NCOR1: variants seen among roughly 807,000 people sequenced by gnomAD.
NCOR1 encodes the protein protein phosphatase 1, regulatory subunit 109.
A neutral mutation model predicts 288.1 loss-of-function variants in NCOR1; 63 were observed. The observed-to-expected ratio is 0.22, with a 90% CI of 0.18 to 0.27. The LOEUF is 0.27. Among genes scored for constraint, NCOR1 ranks in the 10% least tolerant of loss-of-function variants. NCOR1 has a pLI of 1.00. For synonymous variants in NCOR1, 1,007 were observed against 1,065.9 expected (o/e 0.94, Z 1.08); for missense variants, 2,397 against 3,019.2 (o/e 0.79, Z 4.83).
intron 31 of NCOR1, 59 bp downstream of exon 31, chr17:16,070,106 T>G (rs951710452): frequency 2.1e-6 from 3 of 1,433,090 alleles, no homozygotes; most frequent in South Asian, 1.5e-5. Context: ...GACAAAGGTT[T>G]TTTTTTTTTT....
intron 26 of NCOR1, among the ~76,000 whole-genome samples, chr17:16,077,424 G>GA (rs2062632016): frequency 7.2e-6 from 1 of 139,794 alleles, no homozygotes; most frequent in African/African-American, 2.7e-5. Flanking sequence ...AAGCAAAAAG[G>GA]AAGGAAAGGA....
intron 14 of NCOR1, among the ~76,000 whole-genome samples, chr17:16,137,003 T>G (rs901079939): frequency 1.3e-5 from 2 of 152,070 alleles, no homozygotes; most frequent in Non-Finnish European, 2.9e-5. Context: ...GTATTAAAAG[T>G]ATTAATGGCT....
In NCOR1 at chr17:16,031,610, AAAATT is replaced by A. The variant is rs1184426709; in HGVS notation, c.*681_*685del. The A allele has an allele frequency of 4.4e-6, 1 of 224,878 alleles. No homozygotes were observed. The highest frequency in any genetic ancestry group is 5.7e-5 in the Admixed American group (1 of 17,528). 13.9% of individuals were successfully genotyped at this position (224,878 alleles called of 1,614,324 possible). ...TTTTCAGTGCTACTAATGAAAAAAA[AAAATT>A]AAAGCCTGCACTGGAAATTTACAAT... On this transcript the variant is annotated 3_prime_UTR_variant, in exon 46 of 46. Coordinates refer to ENST00000268712, the MANE Select transcript of NCOR1 (RefSeq NM_006311.4).
At chr17:16,056,444 T>G (rs1218370059) in intron 40 of NCOR1, among the ~76,000 whole-genome samples, 1 of 151,836 alleles carries the variant, frequency 6.6e-6, no homozygotes, top group Non-Finnish European at 1.5e-5. Flanking sequence ...CCTGAGTAGC[T>G]GGGATTACAG....
At chr17:16,062,013 A>G (rs2060595488) in intron 36 of NCOR1, 92 bp downstream of exon 36, 2 of 1,576,928 alleles carry the variant, frequency 1.3e-6, no homozygotes, top group Non-Finnish European at 1.7e-6. Flanking sequence ...CATGGGCAGA[A>G]AAGCATGACT....
At chr17:16,085,913 C>A (rs2064154339) in intron 23 of NCOR1, among the ~76,000 whole-genome samples, 1 of 152,148 alleles carries the variant, frequency 6.6e-6, no homozygotes, top group Non-Finnish European at 1.5e-5. Flanking sequence ...TAATACTAAC[C>A]ACCTACAATT....
rs1971918024 is a variant in NCOR1, at chr17:16,031,165, GTAA to G, written c.*1128_*1130del. On this transcript the variant is annotated 3_prime_UTR_variant, in exon 46 of 46. Coordinates refer to ENST00000268712, the MANE Select transcript of NCOR1 (RefSeq NM_006311.4). The stretch of plus-strand genomic sequence containing the variant: ...CTCTGTGAAATGAAAACATTTAACA[GTAA>G]ACTCTTGTCCCAAGGGAGCAAAGTG... 1 of 197,392 alleles carries G rather than the reference GTAA, an allele frequency of 5.1e-6. No homozygotes were observed. The highest frequency in any genetic ancestry group is 1.1e-5 in the Non-Finnish European group (1 of 95,142). The allele number at this position is 197,392 out of a possible 1,614,324, so 12.2% of individuals were successfully genotyped here. A position where few individuals can be genotyped will look rare whatever the true frequency, so the allele number is the denominator to read the frequency against.
chr17:16,040,620 A>C, intron 42 of NCOR1, 126 bp from the exon 43 acceptor site: 12 of 839,858 alleles, frequency 1.4e-5, no homozygotes, highest in Non-Finnish European at 1.9e-5. Context: ...TTTATTTCTC[A>C]CCCATTAAGT....
At chr17:16,144,643 C>A (rs942444199) in intron 10 of NCOR1, among the ~76,000 whole-genome samples, 12 of 152,092 alleles carry the variant, frequency 7.9e-5, no homozygotes, top group Non-Finnish European at 7.4e-5. Flanking sequence ...TGTTGTTCCC[C>A]CTATGTGTCC....
intron 18 of NCOR1, among the ~76,000 whole-genome samples, chr17:16,116,564 G>C (rs1010654475): frequency 1.3e-5 from 2 of 152,120 alleles, no homozygotes; most frequent in African/African-American, 4.8e-5. Context: ...TCAAGAAAAT[G>C]TCTCCCAAAA....
intron 3 of NCOR1, among the ~76,000 whole-genome samples, chr17:16,183,440 T>C (rs1040452775): frequency 2.0e-5 from 3 of 150,758 alleles, no homozygotes; most frequent in African/African-American, 7.3e-5. Flanking sequence ...TATATACAAG[T>C]AACAACCTAA....
In NCOR1 at chr17:16,071,591, G is replaced by A; in HGVS notation, c.3970C>T (p.Pro1324Ser). The A allele has an allele frequency of 6.2e-7, 1 of 1,614,082 alleles. No individual in the cohort carries two copies. The highest frequency in any genetic ancestry group is 8.5e-7 in the Non-Finnish European group (1 of 1,180,022). Residue 1324 changes from proline to serine, a missense_variant, in exon 30 of 46, where the codon CCC (proline) becomes TCC (serine). Around this residue, in one of 11 missense-constraint regions of NCOR1, gnomAD observed 1,872 missense variants for 2,187.8 expected, o/e 0.86. Coordinates refer to ENST00000268712, the MANE Select transcript of NCOR1 (RefSeq NM_006311.4). ...ATGGCACCTTCAAATGCTCGTATGG[G>A]AGGACTTTCCCTTTTAATTTGTTTG... is the stretch of plus-strand genomic sequence containing the variant. ...YPKQIKRESP[P>S]IRAFEGAITK...
In NCOR1 at chr17:16,068,098, T is replaced by C. The variant is rs763932805; in HGVS notation, c.4537A>G (p.Thr1513Ala). The C allele has an allele frequency of 8.1e-6, 13 of 1,612,124 alleles. No homozygotes were observed. In the South Asian group the frequency reaches 1.2e-4, roughly 15 times the overall value. The change falls in exon 32 of 46, where the codon ACC (threonine) becomes GCC (alanine). Residue 1513 changes from threonine (T) to alanine (A), a missense_variant. Physicochemically the swap from Thr to Ala is moderately conservative, Grantham distance 58. Coordinates refer to ENST00000268712, the MANE Select transcript of NCOR1 (RefSeq NM_006311.4). Reference sequence around the variant, plus strand: ...AGTGTCGATTTCCTTTCATGATTGGTAGACTTGTTAGAAGAAATTGTAACT... The same window carrying C: ...AGTGTCGATTTCCTTTCATGATTGGCAGACTTGTTAGAAGAAATTGTAACT... ...SDVTISSNKS[T>A]NHERKSTLTP...
At chr17:16,115,879 G>C (rs886155172) in intron 18 of NCOR1, among the ~76,000 whole-genome samples, 3 of 152,094 alleles carry the variant, frequency 2.0e-5, no homozygotes, top group Non-Finnish European at 4.4e-5. Context: ...ATATTTTCAG[G>C]TATCTTTTCA....
chr17:16,077,459 A>AGAGGGGAGGAGAGGG (rs2062653584), intron 26 of NCOR1, among the ~76,000 whole-genome samples: 1 of 9,838 alleles, frequency 1.0e-4, no homozygotes, highest in African/African-American at 4.7e-4. Context: ...GAAGGAGAGG[A>AGAGGGGAGGAGAGGG]GAGGGGAGGA....
chr17:16,074,666 G>C (rs1285859094), intron 27 of NCOR1, among the ~76,000 whole-genome samples: 1 of 151,570 alleles, frequency 6.6e-6, no homozygotes, highest in Non-Finnish European at 1.5e-5. Context: ...CAAGGTCACA[G>C]AGTCAGGTGC....
Position 16,057,973 on chromosome 17 carries a change from TGAA to T in NCOR1, c.6099_6101del (p.Ser2034del). On this transcript the variant is annotated inframe_deletion, in exon 39 of 46. Transcript: ENST00000268712. The stretch of plus-strand genomic sequence containing the variant: ...GCACTTGCCCCATTCCCTCTGCCTG[TGAA>T]GAAGGGGGCAGCTGTTGTTGGGGAG... 1.2e-6 allele frequency: 2 copies of T among 1,614,166 alleles called. No homozygotes were observed.
intron 31 of NCOR1, 191 bp from the exon 32 acceptor site, chr17:16,068,312 G>T: frequency 1.7e-6 from 1 of 576,744 alleles, no homozygotes; most frequent in Non-Finnish European, 3.0e-6. Flanking sequence ...ACAACTAGTA[G>T]AAACTGAGAT....
At chr17:16,058,135 A>G (rs1267479799) in intron 38 of NCOR1, 71 bp from the exon 39 acceptor site, 3 of 1,521,620 alleles carry the variant, frequency 2.0e-6, no homozygotes, top group African/African-American at 2.7e-5. Context: ...AAGATTAAAT[A>G]TAATTCAGAA....
Sources: allele counts gnomAD v4.1 joint callset (sites outside exome capture counted in the v4.1 genomes callset), GRCh38; gene constraint gnomAD v4.1.1; regional missense constraint gnomAD v4.1.1; transcripts MANE v1.5; gene names NCBI Gene and HGNC (gene_info 2026-07-23, HGNC 2026-07-21).